Variants in SCYL2 observed in about 807,000 individuals in gnomAD.
The protein encoded by SCYL2 is SCY1-like protein 2.
SCYL2 carries 36 observed loss-of-function variants against 100.4 expected under a neutral mutation model. The observed-to-expected ratio is 0.36, with a 90% confidence interval of 0.27 to 0.47. The LOEUF (loss-of-function observed/expected upper bound fraction) is 0.47. SCYL2 is among the 20% of genes least tolerant of loss of function. The pLI, the probability that SCYL2 is intolerant of heterozygous loss-of-function variation, is 1.00. For missense variants in SCYL2, 902 were observed against 1,083.9 expected (o/e 0.83, Z 2.36); for synonymous variants, 330 against 359.2 (o/e 0.92, Z 0.92).
chr12:100,282,694 G>T lies in SCYL2; in HGVS notation c.-28-249G>T, dbSNP rs565305585. On this transcript the variant is annotated intron_variant, in intron 1 of 17. Coordinates refer to ENST00000360820, the MANE Select transcript of SCYL2 (RefSeq NM_017988.6). ...ATTCATTCTCTTTCTTAATGTCATTGTCAAGTGTGAGTATATCTTTTCCTG... is the reference window on the plus strand; with the variant it reads ...ATTCATTCTCTTTCTTAATGTCATTTTCAAGTGTGAGTATATCTTTTCCTG... Among the ~76,000 whole-genome samples the T allele has an allele frequency of 2.0e-5, 3 of 152,248 alleles. No individual in the cohort carries two copies. The South Asian group carries it at 6.2e-4, about 32-fold the overall frequency.
At chr12:100,337,292 G>A in intron 16 of SCYL2, 95 bp from the exon 17 acceptor site, 1 of 1,482,120 alleles carries the variant, frequency 6.7e-7, no homozygotes, top group Non-Finnish European at 9.1e-7. Context: ...TTTCAGTGAA[G>A]TAGTAAGATG....
intron 4 of SCYL2, among the ~76,000 whole-genome samples, chr12:100,300,247 T>C (rs2096325964): frequency 6.6e-6 from 1 of 152,232 alleles, no homozygotes. Flanking sequence ...GTACATAATT[T>C]GCATAATTTA....
At chr12:100,307,700 A>G (rs1372946202) in intron 4 of SCYL2, among the ~76,000 whole-genome samples, 1 of 152,240 alleles carries the variant, frequency 6.6e-6, no homozygotes, top group Non-Finnish European at 1.5e-5. Flanking sequence ...CATCAAAGTG[A>G]ACAGGCAACC....
intron 10 of SCYL2, chr12:100,319,327 G>A (rs927047491): frequency 1.5e-5 from 7 of 451,996 alleles, no homozygotes; most frequent in Admixed American, 2.4e-5. Flanking sequence ...TAAAGAAATT[G>A]TGAATTATAG....
At chr12:100,269,661 A>AGTTAGTTGGTGATGGCTC (rs769527059) in intron 1 of SCYL2, among the ~76,000 whole-genome samples, 1 of 152,144 alleles carries the variant, frequency 6.6e-6, no homozygotes, top group Non-Finnish European at 1.5e-5. Flanking sequence ...TAGGGTGGGT[A>AGTTAGTTGGTGATGGCTC]GTTAGTTGGT....
Position 100,339,961 on chromosome 12 carries a change from A to G in SCYL2, c.*789A>G, listed in dbSNP as rs2135952050. The stretch of plus-strand genomic sequence containing the variant: ...TTTGGATATTTGACAAGGCACTCTG[A>G]TGTGACTTCCCTGACTACTACCTTC... On this transcript the variant is annotated 3_prime_UTR_variant, in exon 18 of 18. Coordinates refer to ENST00000360820, the MANE Select transcript of SCYL2 (RefSeq NM_017988.6). The G allele has an allele frequency of 6.6e-6, 1 of 152,662 alleles. No individual in the cohort carries two copies. Among genetic ancestry groups the G allele is most frequent in the South Asian group, 2.1e-4 (1 of 4,830 alleles). 9.5% of individuals were successfully genotyped at this position (152,662 alleles called of 1,614,324 possible). A position where few individuals can be genotyped will look rare whatever the true frequency, so the allele number is the denominator to read the frequency against.
intron 2 of SCYL2, among the ~76,000 whole-genome samples, chr12:100,283,806 A>T (rs990435604): frequency 6.6e-6 from 1 of 152,206 alleles, no homozygotes; most frequent in South Asian, 2.1e-4. Context: ...TTATCCTTTT[A>T]TGAAATAGGA....
At chr12:100,281,310 T>A (rs945839053) in intron 1 of SCYL2, among the ~76,000 whole-genome samples, 10 of 152,192 alleles carry the variant, frequency 6.6e-5, no homozygotes, top group African/African-American at 2.2e-4. Flanking sequence ...ATTACAAGCC[T>A]GAATGCTTCT....
At chr12:100,293,134 A>T (rs537895510) in intron 3 of SCYL2, among the ~76,000 whole-genome samples, 1 of 149,560 alleles carries the variant, frequency 6.7e-6, no homozygotes, top group African/African-American at 2.5e-5. Flanking sequence ...TTCTTTTTTA[A>T]TTTTTGGGGT....
intron 3 of SCYL2, among the ~76,000 whole-genome samples, chr12:100,293,094 G>A (rs987078222): frequency 6.6e-6 from 1 of 152,060 alleles, no homozygotes; most frequent in African/African-American, 2.4e-5. Context: ...GAGATTACAG[G>A]TGTGAGTGAC....
chr12:100,320,540 TC>T (rs1204202946), intron 10 of SCYL2, among the ~76,000 whole-genome samples: 2 of 140,386 alleles, frequency 1.4e-5, no homozygotes, highest in Non-Finnish European at 3.0e-5. Flanking sequence ...AGAGTGAGAC[TC>T]CGTCTCAAAA....
At chr12:100,329,858 T>A (rs1163241572) in intron 13 of SCYL2, among the ~76,000 whole-genome samples, 4 of 152,228 alleles carry the variant, frequency 2.6e-5, no homozygotes, top group African/African-American at 7.2e-5. Context: ...TTTGGGCTGT[T>A]GTACTTAGGG....
chr12:100,279,585 G>A (rs2096296003), intron 1 of SCYL2, among the ~76,000 whole-genome samples: 1 of 152,116 alleles, frequency 6.6e-6, no homozygotes, highest in Admixed American at 6.5e-5. Flanking sequence ...GTTTTGTTCT[G>A]GTAGGCTGTT....
intron 16 of SCYL2, among the ~76,000 whole-genome samples, chr12:100,337,027 T>C (rs1410914597): frequency 6.6e-6 from 1 of 152,168 alleles, no homozygotes; most frequent in Non-Finnish European, 1.5e-5. Flanking sequence ...TTGCTTTTTG[T>C]GAGTTCCTAA....
intron 13 of SCYL2, among the ~76,000 whole-genome samples, chr12:100,330,395 G>C (rs1160151594): frequency 1.3e-5 from 2 of 152,164 alleles, no homozygotes; most frequent in Admixed American, 6.5e-5. Context: ...TTATGTGACT[G>C]ATTCTTCCTG....
chr12:100,330,182 G>A (rs1314081710), intron 13 of SCYL2, among the ~76,000 whole-genome samples: 1 of 152,104 alleles, frequency 6.6e-6, no homozygotes, highest in African/African-American at 2.4e-5. Context: ...CAATTTGATT[G>A]GCAGATATAT....
intron 2 of SCYL2, among the ~76,000 whole-genome samples, chr12:100,290,124 A>G (rs1387928531): frequency 6.6e-6 from 1 of 152,152 alleles, no homozygotes; most frequent in Non-Finnish European, 1.5e-5. Flanking sequence ...CTTATTCTTC[A>G]GTGGTCCTTT....
Position 100,341,418 on chromosome 12 carries a change from A to G in SCYL2, c.*2246A>G, listed in dbSNP as rs764898447. ...AGAGCATCTGTCAACAGAATCTACA[A>G]AAAAGATTCCCTTGCATTTGAATTA... is the stretch of plus-strand genomic sequence containing the variant. On this transcript the variant is annotated 3_prime_UTR_variant, in exon 18 of 18. Coordinates refer to ENST00000360820, the MANE Select transcript of SCYL2 (RefSeq NM_017988.6). 3 of 152,166 alleles carry G rather than the reference A, an allele frequency of 2.0e-5. No individual in the cohort carries two copies. Among genetic ancestry groups the G allele is most frequent in the Non-Finnish European group, 4.4e-5 (3 of 68,008 alleles). 9.4% of individuals were successfully genotyped at this position (152,166 alleles called of 1,614,324 possible).
At chr12:100,321,208 A>G (rs1232052172) in intron 10 of SCYL2, among the ~76,000 whole-genome samples, 1 of 152,268 alleles carries the variant, frequency 6.6e-6, no homozygotes, top group Non-Finnish European at 1.5e-5. Context: ...AAGTTAAAGC[A>G]AATAAAATAT....
Sources: allele counts gnomAD v4.1 joint callset (sites outside exome capture counted in the v4.1 genomes callset), GRCh38; gene constraint gnomAD v4.1.1; transcripts MANE v1.5; gene names NCBI Gene and HGNC (gene_info 2026-07-23, HGNC 2026-07-21).